Variants in SEPTIN11 observed in about 807,000 individuals in gnomAD.
The protein encoded by SEPTIN11 is septin-11.
A neutral mutation model predicts 51.4 loss-of-function variants in SEPTIN11; 25 were observed. The observed-to-expected ratio is 0.49, with a 90% CI of 0.35 to 0.68. The LOEUF is 0.68. Ranked by LOEUF, SEPTIN11 falls within the 30% of genes least tolerant of loss-of-function variation. SEPTIN11 has a pLI of 0.00. For synonymous variants in SEPTIN11, 174 were observed against 184.1 expected, an observed-to-expected ratio of 0.95 and a Z score of 0.44; for missense variants, 381 against 520.8, an observed-to-expected ratio of 0.73 and a Z score of 2.61.
At chr4:76,995,044 A>C (rs1263375286) in intron 1 of SEPTIN11, among the ~76,000 whole-genome samples, 2 of 149,700 alleles carry the variant, frequency 1.3e-5, no homozygotes, top group Non-Finnish European at 3.0e-5. Context: ...CTATGATCAC[A>C]CCACTGCACT....
chr4:77,008,324 ATAGT>A (rs1362247714), intron 3 of SEPTIN11, among the ~76,000 whole-genome samples: 39 of 152,332 alleles, frequency 2.6e-4, no homozygotes, highest in African/African-American at 7.7e-4. Flanking sequence ...AGCTGTAATG[ATAGT>A]TAGCCCTCAA....
intron 1 of SEPTIN11, among the ~76,000 whole-genome samples, chr4:76,985,376 A>G (rs1321633176): frequency 1.3e-5 from 2 of 152,216 alleles, no homozygotes; most frequent in Non-Finnish European, 2.9e-5. Flanking sequence ...CTGTTTTGCT[A>G]GTGATTCCCC....
chr4:76,952,703 T>C lies in SEPTIN11; in HGVS notation c.27+2773T>C, dbSNP rs558125314. ...CTGTTTATTTCAGTTTTAATTTTGA[T>C]CCCTAGCTTCTCCATTTCCCCACTG... On this transcript the variant is annotated intron_variant, in intron 1 of 9. Transcript: ENST00000264893. Among the ~76,000 whole-genome samples the C allele has an allele frequency of 5.5e-4, 84 of 152,364 alleles. 1 individual carries two copies. Among genetic ancestry groups the C allele is most frequent in the African/African-American group, 2.0e-3 (83 of 41,580 alleles).
At chr4:77,013,610 G>GT (rs1412357169) in intron 4 of SEPTIN11, among the ~76,000 whole-genome samples, 1 of 152,214 alleles carries the variant, frequency 6.6e-6, no homozygotes, top group Non-Finnish European at 1.5e-5. Context: ...CATCAATGAT[G>GT]TTTTTCTTAG....
rs532538093 is a variant in SEPTIN11 at position 77,024,089 on chromosome 4, C to A, written c.953+3419C>A. ...TTGTAAAACAGAGAGTGACCTCTAA[C>A]ACCAAGTCTAGTAAGAGGCAGTGCC... On this transcript the variant is annotated intron_variant, in intron 7 of 9. Transcript: ENST00000264893. This position sits in a 1 kb window ranked among gnomAD's most constrained non-coding sequence, Gnocchi z 4.2. Among the ~76,000 whole-genome samples the A allele has an allele frequency of 1.3e-5, 2 of 152,234 alleles. No homozygotes were observed. The highest frequency in any genetic ancestry group is 3.9e-4 in the East Asian group (2 of 5,172).
intron 1 of SEPTIN11, among the ~76,000 whole-genome samples, chr4:76,988,659 A>C (rs371667241): frequency 2.6e-5 from 4 of 152,300 alleles, no homozygotes; most frequent in African/African-American, 9.6e-5. Flanking sequence ...TATAGGCATG[A>C]GCCATTGCGC....
At chr4:76,970,656 T>C (rs1047187692) in intron 1 of SEPTIN11, among the ~76,000 whole-genome samples, 98 of 152,364 alleles carry the variant, frequency 6.4e-4, no homozygotes, top group Admixed American at 3.9e-3. Flanking sequence ...AGTCCAATTT[T>C]TCTCAGCCCT....
intron 1 of SEPTIN11, among the ~76,000 whole-genome samples, chr4:76,951,943 C>T (rs1332404581): frequency 2.0e-5 from 3 of 152,192 alleles, no homozygotes; most frequent in South Asian, 4.1e-4. Flanking sequence ...CTTCTTTCTG[C>T]GCACTCTGTT....
intron 1 of SEPTIN11, chr4:76,987,716 G>A (rs1185802010): frequency 7.8e-6 from 2 of 257,748 alleles, no homozygotes; most frequent in Non-Finnish European, 1.2e-5. Context: ...CAGTTCGTGA[G>A]GCCAGAATTT....
In SEPTIN11 at chr4:76,980,683, C is replaced by T. The variant is rs114855512; in HGVS notation, c.28-15742C>T. On this transcript the variant is annotated intron_variant, in intron 1 of 9. Transcript: ENST00000264893. ...ATGGGAAAGTAGTTCTTGTTTTTGCCAGTGTAATCATCACTTATTTCCCTT... is the reference window on the plus strand; with the variant it reads ...ATGGGAAAGTAGTTCTTGTTTTTGCTAGTGTAATCATCACTTATTTCCCTT... 6.4e-3 allele frequency among the ~76,000 whole-genome samples: 970 copies of T among 152,256 alleles called. 6 individuals are homozygous for T. Among genetic ancestry groups the T allele is most frequent in the African/African-American group, 0.022 (921 of 41,536 alleles).
chr4:77,009,092 G>A (rs749997538), intron 3 of SEPTIN11, among the ~76,000 whole-genome samples: 9 of 152,236 alleles, frequency 5.9e-5, no homozygotes, highest in Non-Finnish European at 1.2e-4. Context: ...ATAGGGAATA[G>A]TGGTTTTGGT....
At chr4:77,013,195 C>T (rs542830657) in intron 4 of SEPTIN11, among the ~76,000 whole-genome samples, 27 of 152,146 alleles carry the variant, frequency 1.8e-4, no homozygotes, top group South Asian at 1.7e-3. Flanking sequence ...TCATTGAAAA[C>T]GGAAAAGAAA....
At position 77,034,786 on chromosome 4, in the gene SEPTIN11, G is replaced by A. The variant is rs187115747; in HGVS notation, c.*274G>A. Reference sequence around the variant, plus strand: ...TGCCTGTTCTGAATGGCAGCACGAAGCAGGCCTGTTACTTGTATGTCGCTT... The same window carrying A: ...TGCCTGTTCTGAATGGCAGCACGAAACAGGCCTGTTACTTGTATGTCGCTT... On this transcript the variant is annotated 3_prime_UTR_variant, in exon 10 of 10. Transcript: ENST00000264893. 2.6e-4 allele frequency: 299 copies of A among 1,147,804 alleles called. 1 individual carries two copies. The African/African-American group carries it at 4.6e-3, about 18-fold the overall frequency. The allele number at this position is 1,147,804 out of a possible 1,614,324, so 71.1% of individuals were successfully genotyped here.
rs1303767298 is a variant in SEPTIN11 at position 76,950,219 on chromosome 4, G to T, written c.27+289G>T. Among the ~76,000 whole-genome samples, 3 of 152,304 alleles carry T rather than the reference G, an allele frequency of 2.0e-5. No homozygotes were observed. In the East Asian group the frequency reaches 5.8e-4, roughly 29 times the overall value. ...CTTTAAAATAATTCTTTGAGGCGCG[G>T]CGTGTCTCAGCCGCCTCCCTCTGCC... On this transcript the variant is annotated intron_variant, in intron 1 of 9. Transcript: ENST00000264893.
chr4:76,959,620 G>A (rs997378610), intron 1 of SEPTIN11, among the ~76,000 whole-genome samples: 1 of 152,024 alleles, frequency 6.6e-6, no homozygotes, highest in African/African-American at 2.4e-5. Context: ...CTAGGATCTA[G>A]ATCCAGAGTG....
intron 1 of SEPTIN11, among the ~76,000 whole-genome samples, chr4:76,957,009 A>ATGTGTGTGTGTGT (rs1721593229): frequency 6.3e-5 from 3 of 47,382 alleles, no homozygotes; most frequent in South Asian, 5.3e-4. Flanking sequence ...AGAGAGAGAC[A>ATGTGTGTGTGTGT]GAGACAGAGA....
At chr4:76,994,813 G>C (rs1191082452) in intron 1 of SEPTIN11, among the ~76,000 whole-genome samples, 1 of 135,954 alleles carries the variant, frequency 7.4e-6, no homozygotes. Context: ...CTTGTTAAAA[G>C]AAATCACCCT....
At chr4:77,023,403 A>C (rs1725883974) in intron 7 of SEPTIN11, among the ~76,000 whole-genome samples, 1 of 148,720 alleles carries the variant, frequency 6.7e-6, no homozygotes, top group African/African-American at 2.4e-5. Context: ...ATATATATAC[A>C]CACACATATA....
chr4:77,002,480 T>A (rs568572451), intron 2 of SEPTIN11, among the ~76,000 whole-genome samples: 1 of 152,318 alleles, frequency 6.6e-6, no homozygotes, highest in African/African-American at 2.4e-5. Context: ...GGAGAAACTT[T>A]TATAGGGCAG....
Sources: gnomAD v4.1 joint callset for allele counts (sites outside exome capture counted in the v4.1 genomes callset) on GRCh38, gnomAD v4.1.1 for gene constraint, Gnocchi (gnomAD v3.1) non-coding constraint, MANE v1.5 for transcripts, NCBI Gene and HGNC (gene_info 2026-07-23, HGNC 2026-07-21) for gene names.